Variants in PHC2 observed in about 807,000 individuals in gnomAD.
The protein encoded by PHC2 is polyhomeotic-like protein 2.
PHC2 carries 29 observed loss-of-function variants against 87.4 expected under a neutral mutation model. The ratio of observed to expected loss-of-function variants is 0.33; its 90% CI spans 0.25 to 0.45. The LOEUF is 0.45. PHC2 is among the 20% of genes least tolerant of loss of function. PHC2 has a pLI of 1.00. For missense variants in PHC2, 857 were observed against 1,136.7 expected, an observed-to-expected ratio of 0.75 and a Z score of 3.54; for synonymous variants, 438 against 461.7, an observed-to-expected ratio of 0.95 and a Z score of 0.66.
intron 1 of PHC2, among the ~76,000 whole-genome samples, chr1:33,398,561 T>G (rs1649387543): frequency 6.6e-6 from 1 of 152,230 alleles, no homozygotes; most frequent in Non-Finnish European, 1.5e-5. Flanking sequence ...TCTATGTATC[T>G]TAAAGTATCT....
At chr1:33,421,139 C>T (rs918931551) in intron 1 of PHC2, among the ~76,000 whole-genome samples, 17 of 152,150 alleles carry the variant, frequency 1.1e-4, no homozygotes, top group African/African-American at 4.1e-4. Flanking sequence ...GTTGTCTTAT[C>T]TTCAGTTTCT....
In PHC2 at chr1:33,356,942, C is replaced by A. The variant is rs558599515; in HGVS notation, c.977-1689G>T. On this transcript the variant is annotated intron_variant, in intron 7 of 14. Transcript: ENST00000683057. ...GGCTGCCCCCCACCTCCCTCCCGGA[C>A]GGGGCGAAAATTCTTATATTTTTTA... Among the ~76,000 whole-genome samples, 23 of 152,322 alleles carry A rather than the reference C, an allele frequency of 1.5e-4. No homozygotes were observed. In the South Asian group the frequency reaches 4.8e-3, roughly 32 times the overall value.
Position 33,331,841 on chromosome 1 carries a change from C to A in PHC2, c.1892-379G>T. On this transcript the variant is annotated intron_variant, in intron 11 of 14. Coordinates refer to ENST00000683057, the MANE Select transcript of PHC2 (RefSeq NM_001385109.1). This position sits in a 1 kb window ranked among gnomAD's most constrained non-coding sequence, Gnocchi z 5.2. ...TGATCTATGCAGCTGGCTGCTGACC[C>A]AGTAAAAGACCTCAGGAGCCCACGC... 1 of 288,754 alleles carries A rather than the reference C, an allele frequency of 3.5e-6. No individual in the cohort carries two copies. The highest frequency in any genetic ancestry group is 6.6e-6 in the Non-Finnish European group (1 of 152,426). 17.9% of individuals were successfully genotyped at this position (288,754 alleles called of 1,614,324 possible).
chr1:33,381,637 C>T (rs533821974), intron 1 of PHC2, among the ~76,000 whole-genome samples: 5 of 151,258 alleles, frequency 3.3e-5, no homozygotes, highest in South Asian at 2.1e-4. Context: ...AAAGCCAGAG[C>T]GCTTCCCATG....
chr1:33,355,593 A>G (rs1647056263), intron 7 of PHC2, among the ~76,000 whole-genome samples: 1 of 152,192 alleles, frequency 6.6e-6, no homozygotes, highest in African/African-American at 2.4e-5. Context: ...TAAGTGTGAC[A>G]TGCTCTCGCT....
At chr1:33,356,823 G>A (rs989143770) in intron 7 of PHC2, among the ~76,000 whole-genome samples, 3 of 152,190 alleles carry the variant, frequency 2.0e-5, no homozygotes, top group African/African-American at 4.8e-5. Context: ...CCCAGACGGG[G>A]TGGCGGCCGG....
rs1646495498 is a variant in PHC2, at chr1:33,331,471, T to C, written c.1892-9A>G. The stretch of plus-strand genomic sequence containing the variant: ...ACCCTCCTCTTTGGATTCTGAAAAG[T>C]ATAGAAATGGGTAGGGTGGAGAATG... On this transcript the variant is annotated splice_polypyrimidine_tract_variant and intron_variant, in intron 11 of 14. Coordinates refer to ENST00000683057, the MANE Select transcript of PHC2 (RefSeq NM_001385109.1). This position sits in a 1 kb window ranked among gnomAD's most constrained non-coding sequence, Gnocchi z 5.2. 1.3e-6 allele frequency: 2 copies of C among 1,497,756 alleles called. No homozygotes were observed. Among genetic ancestry groups the C allele is most frequent in the African/African-American group, 1.4e-5 (1 of 72,584 alleles). 92.8% of individuals were successfully genotyped at this position (1,497,756 alleles called of 1,614,324 possible).
At chr1:33,398,185 C>T (rs1345454095) in intron 1 of PHC2, among the ~76,000 whole-genome samples, 3 of 152,198 alleles carry the variant, frequency 2.0e-5, no homozygotes, top group Non-Finnish European at 4.4e-5. Flanking sequence ...GAGGTAGACT[C>T]TGGTCTTGCT....
intron 1 of PHC2, among the ~76,000 whole-genome samples, chr1:33,409,440 C>T (rs1459934761): frequency 6.6e-6 from 1 of 152,026 alleles, no homozygotes; most frequent in African/African-American, 2.4e-5. Context: ...ATTTAAAAAA[C>T]TAGAAGGATA....
In PHC2 at chr1:33,324,622, G is replaced by A. The variant is rs2148173101; in HGVS notation, c.*243C>T. 1 of 430,926 alleles carries A rather than the reference G, an allele frequency of 2.3e-6. No homozygotes were observed. The highest frequency in any genetic ancestry group is 4.0e-5 in the Admixed American group (1 of 25,170). 26.7% of individuals were successfully genotyped at this position (430,926 alleles called of 1,614,324 possible). ...TATTGGGACTTTGGAGGAAGCCAGT[G>A]CTATCAATATTTACAAGCATAAAGC... On this transcript the variant is annotated 3_prime_UTR_variant, in exon 15 of 15. Coordinates refer to ENST00000683057, the MANE Select transcript of PHC2 (RefSeq NM_001385109.1).
At chr1:33,346,107 G>A in intron 9 of PHC2, 1 of 985,334 alleles carries the variant, frequency 1.0e-6, no homozygotes. Flanking sequence ...TGGGTTCCAT[G>A]AAACAAGGTG....
intron 1 of PHC2, among the ~76,000 whole-genome samples, chr1:33,408,592 C>G (rs113652220): frequency 6.8e-4 from 104 of 152,290 alleles, no homozygotes; most frequent in African/African-American, 2.4e-3. Flanking sequence ...TCCTGAGTAG[C>G]TGGGACTACA....
chr1:33,393,468 T>TG (rs990455889), intron 1 of PHC2, among the ~76,000 whole-genome samples: 8 of 151,056 alleles, frequency 5.3e-5, no homozygotes, highest in African/African-American at 1.9e-4. Flanking sequence ...AAGAGGTTTT[T>TG]TTTTTTTTTT....
intron 9 of PHC2, chr1:33,353,188 A>G (rs189383322): frequency 7.9e-5 from 12 of 152,328 alleles, no homozygotes; most frequent in Admixed American, 2.0e-4. Flanking sequence ...TGTCATAGGT[A>G]AAAAATGAAA....
At chr1:33,411,562 T>C (rs1423324209) in intron 1 of PHC2, among the ~76,000 whole-genome samples, 1 of 152,134 alleles carries the variant, frequency 6.6e-6, no homozygotes, top group East Asian at 1.9e-4. Context: ...TCTTTTAGTT[T>C]TATTTTTTTA....
chr1:33,340,529 G>A (rs1646723868), intron 9 of PHC2, among the ~76,000 whole-genome samples: 2 of 152,208 alleles, frequency 1.3e-5, no homozygotes, highest in South Asian at 4.1e-4. Context: ...ACTGCAGTGC[G>A]GTAAGCTGAG....
intron 1 of PHC2, among the ~76,000 whole-genome samples, chr1:33,392,994 G>A (rs1649133390): frequency 6.6e-6 from 1 of 152,172 alleles, no homozygotes; most frequent in South Asian, 2.1e-4. Flanking sequence ...GGGGACTATT[G>A]AAGCCAGGCA....
chr1:33,419,877 G>A (rs1650362683), intron 1 of PHC2, among the ~76,000 whole-genome samples: 1 of 151,366 alleles, frequency 6.6e-6, no homozygotes, highest in African/African-American at 2.4e-5. Flanking sequence ...CCAAAGTGCT[G>A]GGATTACAGG....
At chr1:33,422,161 C>T (rs2148406195) in intron 1 of PHC2, among the ~76,000 whole-genome samples, 1 of 152,308 alleles carries the variant, frequency 6.6e-6, no homozygotes, top group Non-Finnish European at 1.5e-5. Flanking sequence ...GAGAAGCTTC[C>T]TCTTACCCTG....
Sources: allele counts gnomAD v4.1 joint callset (sites outside exome capture counted in the v4.1 genomes callset), GRCh38; gene constraint gnomAD v4.1.1; non-coding constraint Gnocchi (gnomAD v3.1); transcripts MANE v1.5; gene names NCBI Gene and HGNC (gene_info 2026-07-23, HGNC 2026-07-21).